The following OSBPL1A variants were observed in gnomAD, a reference collection of about 807,000 sequenced individuals.
The protein encoded by OSBPL1A is oxysterol-binding protein-related protein 1.
In OSBPL1A, 80 loss-of-function variants were observed where a neutral mutation model predicts 137.1. The ratio of observed to expected loss-of-function variants is 0.58; its 90% confidence interval spans 0.49 to 0.70. OSBPL1A has a LOEUF of 0.70. OSBPL1A is among the 30% of genes least tolerant of loss of function. The pLI is 0.00. For missense variants in OSBPL1A, 970 were observed against 1,129.4 expected (o/e 0.86, Z 2.02); for synonymous variants, 365 against 389.7 (o/e 0.94, Z 0.75).
chr18:24,314,963 G>T (rs1041603665), intron 11 of OSBPL1A, among the ~76,000 whole-genome samples: 14 of 152,130 alleles, frequency 9.2e-5, no homozygotes, highest in Admixed American at 9.2e-4. Flanking sequence ...GCATAAATGG[G>T]TTAAGAATGG....
chr18:24,229,695 T>C (rs1352043580), intron 16 of OSBPL1A, among the ~76,000 whole-genome samples: 2 of 152,174 alleles, frequency 1.3e-5, no homozygotes, highest in East Asian at 3.8e-4. Flanking sequence ...AGTCTCCCTG[T>C]AAAACAAATC....
chr18:24,175,775 T>C (rs2086429890), intron 21 of OSBPL1A, among the ~76,000 whole-genome samples: 1 of 152,244 alleles, frequency 6.6e-6, no homozygotes, highest in African/African-American at 2.4e-5. Flanking sequence ...TTTTACATTT[T>C]ACGTAAATGA....
intron 11 of OSBPL1A, among the ~76,000 whole-genome samples, chr18:24,315,106 G>A (rs1172570632): frequency 2.0e-5 from 3 of 152,152 alleles, no homozygotes; most frequent in Non-Finnish European, 2.9e-5. Context: ...GACAGACTCC[G>A]ATGGGAGTCA....
intron 15 of OSBPL1A, among the ~76,000 whole-genome samples, chr18:24,246,589 G>A (rs2088895526): frequency 6.6e-6 from 1 of 151,850 alleles, no homozygotes; most frequent in Non-Finnish European, 1.5e-5. Context: ...CCAGGAGTTC[G>A]AGACCAGTCT....
chr18:24,255,787 CG>C (rs139408300), intron 15 of OSBPL1A, among the ~76,000 whole-genome samples: 38,527 of 146,596 alleles, frequency 0.26, 6,218 homozygotes, highest in Middle Eastern at 0.39. Flanking sequence ...GATGGAGTCT[CG>C]CTCTCTCGCC....
intron 4 of OSBPL1A, among the ~76,000 whole-genome samples, chr18:24,360,392 A>G (rs1335717879): frequency 6.6e-6 from 1 of 152,250 alleles, no homozygotes; most frequent in Non-Finnish European, 1.5e-5. Flanking sequence ...ATATTTTAAA[A>G]TTATCTTCAT....
At chr18:24,210,489 A>G (rs2087505295) in intron 17 of OSBPL1A, among the ~76,000 whole-genome samples, 1 of 151,854 alleles carries the variant, frequency 6.6e-6, no homozygotes, top group Admixed American at 6.6e-5. Context: ...AGACCCCAAA[A>G]GAGTTAGTTT....
At chr18:24,256,153 A>G (rs2146034823) in intron 15 of OSBPL1A, among the ~76,000 whole-genome samples, 1 of 152,294 alleles carries the variant, frequency 6.6e-6, no homozygotes, top group East Asian at 1.9e-4. Context: ...GTTGATATCA[A>G]AACCAAAGAC....
intron 4 of OSBPL1A, among the ~76,000 whole-genome samples, chr18:24,354,859 C>T (rs1387076803): frequency 3.3e-5 from 5 of 151,880 alleles, no homozygotes; most frequent in African/African-American, 9.7e-5. Flanking sequence ...TTCTATTAAC[C>T]GTTTCCTTAA....
intron 2 of OSBPL1A, among the ~76,000 whole-genome samples, chr18:24,372,210 G>A (rs899943519): frequency 2.6e-5 from 4 of 151,712 alleles, no homozygotes; most frequent in African/African-American, 9.7e-5. Context: ...GGGAGTTCAA[G>A]GCTGCAGTAA....
At chr18:24,334,103 A>C (rs1482626944) in intron 6 of OSBPL1A, 142 bp downstream of exon 6, 1 of 544,326 alleles carries the variant, frequency 1.8e-6, no homozygotes, top group African/African-American at 2.0e-5. Flanking sequence ...AGATATTAAG[A>C]ACTTTGGTTC....
At chr18:24,370,208 G>A (rs1304119361) in intron 2 of OSBPL1A, among the ~76,000 whole-genome samples, 1 of 152,128 alleles carries the variant, frequency 6.6e-6, no homozygotes, top group Non-Finnish European at 1.5e-5. Context: ...ACAACAAAGC[G>A]AGACACTGTC....
intron 17 of OSBPL1A, among the ~76,000 whole-genome samples, chr18:24,199,373 GCCCCCAGCT>G (rs1356794862): frequency 6.6e-6 from 1 of 151,958 alleles, no homozygotes; most frequent in Non-Finnish European, 1.5e-5. Flanking sequence ...TAACATCCTT[GCCCCCAGCT>G]CCCCCGGCTC....
chr18:24,254,152 T>C (rs2089195341), intron 15 of OSBPL1A, among the ~76,000 whole-genome samples: 1 of 152,216 alleles, frequency 6.6e-6, no homozygotes, highest in Non-Finnish European at 1.5e-5. Flanking sequence ...AGGCAGTTTC[T>C]ATTGTAAATA....
At position 24,175,139 on chromosome 18, in the gene OSBPL1A, C is replaced by CATAT. The variant is rs1301852341; in HGVS notation, c.2094-2660_2094-2657dup. Among the ~76,000 whole-genome samples, 122 of 119,820 alleles carry CATAT rather than the reference C, an allele frequency of 1.0e-3. 4 individuals are homozygous for CATAT. The highest frequency in any genetic ancestry group is 5.1e-3 in the African/African-American group (118 of 23,012). The allele number at this position is 119,820 out of a possible 152,430, so 78.6% of individuals were successfully genotyped here. A position where few individuals can be genotyped will look rare whatever the true frequency, so the allele number is the denominator to read the frequency against. ...ATATATATATATATATATATATACA[C>CATAT]ATATATATATATATATGAAGTATCT... On this transcript the variant is annotated intron_variant, in intron 21 of 27. Coordinates refer to ENST00000319481, the MANE Select transcript of OSBPL1A (RefSeq NM_080597.4).
intron 14 of OSBPL1A, among the ~76,000 whole-genome samples, chr18:24,291,502 A>T (rs2093795175): frequency 6.6e-6 from 1 of 152,198 alleles, no homozygotes; most frequent in South Asian, 2.1e-4. Flanking sequence ...ATGAGGTAGG[A>T]GGATAGAACG....
chr18:24,184,739 G>A (rs2086698370), intron 18 of OSBPL1A, among the ~76,000 whole-genome samples: 1 of 152,230 alleles, frequency 6.6e-6, no homozygotes, highest in South Asian at 2.1e-4. Context: ...CACAGAGAGA[G>A]GGGAACACTG....
chr18:24,280,310 G>A (rs2089931773), intron 15 of OSBPL1A, among the ~76,000 whole-genome samples: 1 of 152,002 alleles, frequency 6.6e-6, no homozygotes, highest in African/African-American at 2.4e-5. Context: ...TCGAACTCCT[G>A]ACTTCAGGTG....
chr18:24,322,246 A>C (rs1165151315), intron 7 of OSBPL1A, among the ~76,000 whole-genome samples: 1 of 150,336 alleles, frequency 6.7e-6, no homozygotes, highest in Non-Finnish European at 1.5e-5. Flanking sequence ...AGTAGCTGGG[A>C]CTACAGGCGC....
Sources: allele counts gnomAD v4.1 joint callset (sites outside exome capture counted in the v4.1 genomes callset), GRCh38; gene constraint gnomAD v4.1.1; transcripts MANE v1.5; gene names NCBI Gene and HGNC (gene_info 2026-07-23, HGNC 2026-07-21).